DPYD: variants seen among roughly 807,000 people sequenced by gnomAD.
DPYD encodes dihydropyrimidine dehydrogenase.
Under a neutral mutation model 116.2 loss-of-function variants are expected in DPYD, and 109 were observed. The observed-to-expected ratio is 0.94, with a 90% CI of 0.80 to 1.10. The LOEUF is 1.10. Among genes scored for constraint, DPYD ranks in the 50% least tolerant of loss-of-function variants. The probability of loss-of-function intolerance (pLI) is 0.00; values close to 1 mark genes in which losing one functional copy is unlikely to be tolerated. For synonymous variants in DPYD, 440 were observed against 432.0 expected (o/e 1.02, Z -0.23); for missense variants, 1,302 against 1,254.5 (o/e 1.04, Z -0.57).
chr1:97,724,370 G>A (rs1171273604), intron 4 of DPYD, among the ~76,000 whole-genome samples: 1 of 146,482 alleles, frequency 6.8e-6, no homozygotes, highest in Non-Finnish European at 1.5e-5. Flanking sequence ...GTGTGTATGA[G>A]ATTTATTATA....
intron 12 of DPYD, among the ~76,000 whole-genome samples, chr1:97,528,192 T>C (rs148148127): frequency 1.3e-5 from 2 of 152,296 alleles, no homozygotes; most frequent in Admixed American, 6.5e-5. Context: ...GCTGTTTCCA[T>C]GATGGAAAGG....
intron 18 of DPYD, among the ~76,000 whole-genome samples, chr1:97,282,365 ATTTAT>A (rs10598574): frequency 0.31 from 46,647 of 151,506 alleles, 7,470 homozygotes; most frequent in Non-Finnish European, 0.35. Flanking sequence ...ATATTTTTCC[ATTTAT>A]TTTATCTTTA....
intron 19 of DPYD, among the ~76,000 whole-genome samples, chr1:97,211,792 T>A (rs1660050090): frequency 6.6e-6 from 1 of 152,082 alleles, no homozygotes. Context: ...ACGTGCTTAT[T>A]TTTAAATTTG....
intron 14 of DPYD, among the ~76,000 whole-genome samples, chr1:97,428,327 T>C (rs575032811): frequency 2.0e-5 from 3 of 152,250 alleles, no homozygotes; most frequent in Non-Finnish European, 2.9e-5. Flanking sequence ...ATCCCACAAA[T>C]TACAGATTTC....
chr1:97,485,727 C>A (rs1038209522), intron 13 of DPYD, among the ~76,000 whole-genome samples: 3 of 152,188 alleles, frequency 2.0e-5, no homozygotes, highest in African/African-American at 7.2e-5. Flanking sequence ...CGATCCTCTG[C>A]AAAATTCTTC....
At chr1:97,258,429 G>C (rs1663656221) in intron 18 of DPYD, among the ~76,000 whole-genome samples, 1 of 152,056 alleles carries the variant, frequency 6.6e-6, no homozygotes, top group Admixed American at 6.6e-5. Flanking sequence ...CATCCTTCAG[G>C]GGGACAATTC....
chr1:97,376,733 G>A (rs1488123907), intron 15 of DPYD, among the ~76,000 whole-genome samples: 3 of 152,110 alleles, frequency 2.0e-5, no homozygotes, highest in Non-Finnish European at 4.4e-5. Context: ...CTTACCCAGA[G>A]TTTATTCCAC....
chr1:97,373,634 G>T lies in DPYD; in HGVS notation c.1985C>A (p.Ala662Glu). Residue 662 changes from alanine to glutamate, a missense_variant, in exon 16 of 23, where the codon GCA (alanine) becomes GAA (glutamate). Coordinates refer to ENST00000370192, the MANE Select transcript of DPYD (RefSeq NM_000110.4). ...ELAKKSEDSG[A>E]DALELNLSCP... is the part of the protein sequence containing the mutation. ...TGATAAATTTAACTCCAGGGCATCTGCTCCAGAATCCTTTAAACAAGAAAG... is the reference window on the plus strand; with the variant it reads ...TGATAAATTTAACTCCAGGGCATCTTCTCCAGAATCCTTTAAACAAGAAAG... 6.2e-7 allele frequency: 1 copy of T among 1,613,704 alleles called. No individual in the cohort carries two copies. Among genetic ancestry groups the T allele is most frequent in the Non-Finnish European group, 8.5e-7 (1 of 1,179,700 alleles).
At chr1:97,376,520 T>G (rs1671624036) in intron 15 of DPYD, among the ~76,000 whole-genome samples, 1 of 152,158 alleles carries the variant, frequency 6.6e-6, no homozygotes, top group South Asian at 2.1e-4. Context: ...GGTGACACCA[T>G]GAGAACAGGA....
intron 2 of DPYD, among the ~76,000 whole-genome samples, chr1:97,843,847 TA>T (rs1479817422): frequency 6.6e-6 from 1 of 152,144 alleles, no homozygotes; most frequent in Non-Finnish European, 1.5e-5. Flanking sequence ...TTTTAATGAA[TA>T]GGGGAGAGAT....
intron 16 of DPYD, among the ~76,000 whole-genome samples, chr1:97,334,463 A>AAAACAAC (rs1553255916): frequency 6.6e-6 from 1 of 151,740 alleles, no homozygotes; most frequent in East Asian, 1.9e-4. Context: ...TCTACATTAA[A>AAAACAAC]AAACAAACAA....
intron 12 of DPYD, among the ~76,000 whole-genome samples, chr1:97,518,826 A>G: frequency 6.6e-6 from 1 of 152,152 alleles, no homozygotes; most frequent in East Asian, 1.9e-4. Context: ...TACAGAAGAA[A>G]ATAATTTATT....
At chr1:97,875,271 CAT>C (rs1201232573) in intron 2 of DPYD, among the ~76,000 whole-genome samples, 1 of 151,816 alleles carries the variant, frequency 6.6e-6, no homozygotes. Context: ...CGGTTTTTGA[CAT>C]AGTCATAATC....
intron 19 of DPYD, among the ~76,000 whole-genome samples, chr1:97,196,554 AAAC>A (rs1170889152): frequency 6.6e-6 from 1 of 152,226 alleles, no homozygotes; most frequent in African/African-American, 2.4e-5. Context: ...GATGAGAATA[AAAC>A]AATGCAATAT....
intron 18 of DPYD, chr1:97,279,881 A>C (rs963622671): frequency 1.3e-5 from 2 of 152,270 alleles, no homozygotes; most frequent in East Asian, 3.9e-4. Context: ...GGAAACTGAA[A>C]GCAAGGAAAT....
chr1:97,102,492 T>TATCTATCTA (rs1484174557), intron 20 of DPYD, among the ~76,000 whole-genome samples: 1 of 56,270 alleles, frequency 1.8e-5, no homozygotes. Flanking sequence ...TCTATCTATC[T>TATCTATCTA]ATCTCCTTTA....
chr1:97,420,772 G>T (rs1430456894), intron 14 of DPYD, among the ~76,000 whole-genome samples: 2 of 152,110 alleles, frequency 1.3e-5, no homozygotes, highest in Non-Finnish European at 2.9e-5. Flanking sequence ...CACTCTGCTG[G>T]TAATGCCAGT....
At chr1:97,339,368 A>G (rs1317517983) in intron 16 of DPYD, among the ~76,000 whole-genome samples, 1 of 152,194 alleles carries the variant, frequency 6.6e-6, no homozygotes, top group Non-Finnish European at 1.5e-5. Flanking sequence ...ACACCTAGAC[A>G]TAATCAGGGA....
chr1:97,652,274 T>C (rs1396516162), intron 8 of DPYD, among the ~76,000 whole-genome samples: 1 of 152,170 alleles, frequency 6.6e-6, no homozygotes, highest in Non-Finnish European at 1.5e-5. Flanking sequence ...ATTCATCCTC[T>C]TTGACTAACA....
Sources: allele counts gnomAD v4.1 joint callset (sites outside exome capture counted in the v4.1 genomes callset), GRCh38; gene constraint gnomAD v4.1.1; transcripts MANE v1.5; gene names NCBI Gene and HGNC (gene_info 2026-07-23, HGNC 2026-07-21).